Variants in UNC5C observed in about 807,000 individuals in gnomAD.
UNC5C encodes unc-5 netrin receptor C, also known as netrin receptor UNC5C.
Under a neutral mutation model 99.8 loss-of-function variants are expected in UNC5C, and 47 were observed. The observed-to-expected ratio is 0.47, with a 90% CI of 0.37 to 0.60. The LOEUF is 0.60. Among genes scored for constraint, UNC5C ranks in the 20% least tolerant of loss-of-function variants. The pLI is 0.00. For missense variants in UNC5C, 1,062 were observed against 1,165.9 expected (o/e 0.91, Z 1.30); for synonymous variants, 487 against 452.2 (o/e 1.08, Z -0.98).
At chr4:95,378,950 A>G (rs1744982565) in intron 1 of UNC5C, among the ~76,000 whole-genome samples, 1 of 152,172 alleles carries the variant, frequency 6.6e-6, no homozygotes. Context: ...TCTAAGACTT[A>G]AATTGACTGG....
intron 14 of UNC5C, among the ~76,000 whole-genome samples, chr4:95,178,563 T>C (rs960762082): frequency 2.6e-5 from 4 of 152,222 alleles, no homozygotes; most frequent in African/African-American, 9.7e-5. Context: ...TGTTTGTTTG[T>C]TGAAATGAGA....
At chr4:95,402,775 C>T (rs768159826) in intron 1 of UNC5C, among the ~76,000 whole-genome samples, 1 of 152,192 alleles carries the variant, frequency 6.6e-6, no homozygotes. Flanking sequence ...CTGCAATTAG[C>T]TAAACCTTTC....
intron 1 of UNC5C, among the ~76,000 whole-genome samples, chr4:95,377,931 C>T (rs910846461): frequency 1.3e-5 from 2 of 152,154 alleles, no homozygotes; most frequent in South Asian, 2.1e-4. Flanking sequence ...AACTGACTTG[C>T]TTTAAATATA....
chr4:95,300,122 G>A (rs1053297621), intron 3 of UNC5C, among the ~76,000 whole-genome samples: 11 of 152,154 alleles, frequency 7.2e-5, no homozygotes, highest in Admixed American at 5.9e-4. Flanking sequence ...GATGTAAAGG[G>A]TTCAGAAAAG....
intron 2 of UNC5C, among the ~76,000 whole-genome samples, chr4:95,331,087 G>GA (rs1181046709): frequency 6.6e-6 from 1 of 152,058 alleles, no homozygotes; most frequent in African/African-American, 2.4e-5. Context: ...TTCTGGGTCT[G>GA]AGTTACTTCA....
At position 95,412,458 on chromosome 4, in the gene UNC5C, A is replaced by G. The variant is rs553070460; in HGVS notation, c.125-76827T>C. On this transcript the variant is annotated intron_variant, in intron 1 of 15. Coordinates refer to ENST00000453304, the MANE Select transcript of UNC5C (RefSeq NM_003728.4). ...CCAATCCTAGACTGGAAGCTCCTTGAAGGAACTGACCTTTATCTTGAGGTT... is the reference window on the plus strand; with the variant it reads ...CCAATCCTAGACTGGAAGCTCCTTGGAGGAACTGACCTTTATCTTGAGGTT... Among the ~76,000 whole-genome samples, 12 of 152,250 alleles carry G rather than the reference A, an allele frequency of 7.9e-5. No individual in the cohort carries two copies. The South Asian group carries it at 2.3e-3, about 29-fold the overall frequency.
At chr4:95,175,189 CTT>C (rs1301470075) in intron 14 of UNC5C, among the ~76,000 whole-genome samples, 2 of 150,024 alleles carry the variant, frequency 1.3e-5, no homozygotes, top group African/African-American at 4.9e-5. Flanking sequence ...GGTCTTGACT[CTT>C]TATCCAATTT....
chr4:95,480,859 C>A (rs28733791), intron 1 of UNC5C, among the ~76,000 whole-genome samples: 2 of 151,716 alleles, frequency 1.3e-5, no homozygotes, highest in African/African-American at 4.8e-5. Context: ...GGACGTATCT[C>A]AAAATAATAA....
intron 3 of UNC5C, among the ~76,000 whole-genome samples, chr4:95,297,208 C>T (rs757570365): frequency 3.9e-5 from 6 of 152,152 alleles, no homozygotes; most frequent in Non-Finnish European, 7.3e-5. Flanking sequence ...TCTCCCTCTG[C>T]CCAACCATTG....
chr4:95,322,573 T>C (rs1742729915), intron 2 of UNC5C, among the ~76,000 whole-genome samples: 1 of 152,178 alleles, frequency 6.6e-6, no homozygotes, highest in Admixed American at 6.5e-5. Flanking sequence ...TTAATATATG[T>C]ATACATAAAT....
chr4:95,461,309 ACAAGGC>A lies in UNC5C; in HGVS notation c.124+87419_124+87424del, dbSNP rs1283144691. Among the ~76,000 whole-genome samples the A allele has an allele frequency of 3.1e-5, 3 of 97,528 alleles. 1 individual carries two copies. The highest frequency in any genetic ancestry group is 5.1e-5 in the African/African-American group (1 of 19,728). 64.0% of individuals were successfully genotyped at this position (97,528 alleles called of 152,430 possible). ...ATACAGTCCTTTTCCAACATGAAGC[ACAAGGC>A]AAGAGCAAGTTGAATAGATGACAAA... On this transcript the variant is annotated intron_variant, in intron 1 of 15. Coordinates refer to ENST00000453304, the MANE Select transcript of UNC5C (RefSeq NM_003728.4).
At chr4:95,355,040 A>T (rs941665368) in intron 1 of UNC5C, among the ~76,000 whole-genome samples, 2 of 152,138 alleles carry the variant, frequency 1.3e-5, no homozygotes, top group South Asian at 4.1e-4. Flanking sequence ...TGTATCTAGG[A>T]AAGAATATAG....
intron 1 of UNC5C, among the ~76,000 whole-genome samples, chr4:95,430,778 C>T (rs1405354273): frequency 1.3e-5 from 2 of 152,092 alleles, no homozygotes; most frequent in Non-Finnish European, 2.9e-5. Flanking sequence ...AGCAGCTTTC[C>T]TTTTATCATG....
At chr4:95,250,144 T>C (rs761735977) in intron 5 of UNC5C, among the ~76,000 whole-genome samples, 3 of 152,148 alleles carry the variant, frequency 2.0e-5, no homozygotes, top group Non-Finnish European at 4.4e-5. Context: ...AGCCTATCCT[T>C]TCATATCAGT....
At chr4:95,253,511 G>C (rs1281694441) in intron 4 of UNC5C, among the ~76,000 whole-genome samples, 1 of 152,134 alleles carries the variant, frequency 6.6e-6, no homozygotes, top group African/African-American at 2.4e-5. Flanking sequence ...CAGGACCCCT[G>C]AGAAGCCCCA....
At chr4:95,386,004 C>G (rs1009600238) in intron 1 of UNC5C, among the ~76,000 whole-genome samples, 5 of 152,086 alleles carry the variant, frequency 3.3e-5, no homozygotes, top group Non-Finnish European at 5.9e-5. Flanking sequence ...GGCATTCGCT[C>G]TCCTCAAAGT....
At chr4:95,412,331 C>A (rs1746015500) in intron 1 of UNC5C, among the ~76,000 whole-genome samples, 1 of 152,120 alleles carries the variant, frequency 6.6e-6, no homozygotes, top group Non-Finnish European at 1.5e-5. Context: ...AAGAATGTGC[C>A]CCCTGAACAC....
chr4:95,313,504 C>T (rs1267180803), intron 2 of UNC5C, among the ~76,000 whole-genome samples: 1 of 152,002 alleles, frequency 6.6e-6, no homozygotes, highest in Non-Finnish European at 1.5e-5. Context: ...GAGCAATATC[C>T]TTATTGACCC....
At chr4:95,189,232 T>C (rs1432521621) in intron 12 of UNC5C, among the ~76,000 whole-genome samples, 1 of 152,184 alleles carries the variant, frequency 6.6e-6, no homozygotes, top group Non-Finnish European at 1.5e-5. Flanking sequence ...TTGATGAGCT[T>C]GTTTTGCTTC....
Sources: allele counts gnomAD v4.1 joint callset (sites outside exome capture counted in the v4.1 genomes callset), GRCh38; gene constraint gnomAD v4.1.1; transcripts MANE v1.5; gene names NCBI Gene and HGNC (gene_info 2026-07-23, HGNC 2026-07-21).